Variants in GCNT2 observed in about 807,000 individuals in gnomAD.
GCNT2 encodes glucosaminyl (N-acetyl) transferase 2 (I blood group), also known as N-acetyllactosaminide beta-1,6-N-acetylglucosaminyl-transferase.
A neutral mutation model predicts 34.2 loss-of-function variants in GCNT2; 34 were observed. The ratio of observed to expected loss-of-function variants is 1.00; its 90% CI spans 0.76 to 1.32. The LOEUF (loss-of-function observed/expected upper bound fraction) is 1.32. Ranked by LOEUF, GCNT2 falls within the 40% of genes most tolerant of loss-of-function variation. GCNT2 has a pLI of 0.00. For synonymous variants in GCNT2, 212 were observed against 188.0 expected (o/e 1.13, Z -1.04); for missense variants, 584 against 489.4 (o/e 1.19, Z -1.82).
chr6:10,580,074 A>G (rs1764004274), intron 3 of GCNT2, among the ~76,000 whole-genome samples: 1 of 152,186 alleles, frequency 6.6e-6, no homozygotes, highest in African/African-American at 2.4e-5. Context: ...GCTAAGCCTC[A>G]GAGGGATTTA....
intron 4 of GCNT2, among the ~76,000 whole-genome samples, chr6:10,625,861 G>A (rs115777174): frequency 0.011 from 1,675 of 152,198 alleles, 31 homozygotes; most frequent in African/African-American, 0.037. Context: ...CATAGTAAGA[G>A]GTTAACAATA....
chr6:10,593,333 T>C (rs1484007441), intron 3 of GCNT2, among the ~76,000 whole-genome samples: 8 of 152,108 alleles, frequency 5.3e-5, no homozygotes, highest in Non-Finnish European at 1.0e-4. Flanking sequence ...AAGCAGGAGT[T>C]GTTTTTGTCT....
At chr6:10,537,888 C>T (rs1174140041) in intron 3 of GCNT2, among the ~76,000 whole-genome samples, 1 of 151,956 alleles carries the variant, frequency 6.6e-6, no homozygotes, top group Admixed American at 6.6e-5. Flanking sequence ...AAAGTGGTGT[C>T]TATGTCATGT....
intron 3 of GCNT2, among the ~76,000 whole-genome samples, chr6:10,610,994 A>T (rs1765524873): frequency 6.6e-6 from 1 of 152,204 alleles, no homozygotes; most frequent in African/African-American, 2.4e-5. Flanking sequence ...CAGAGATGTC[A>T]TATTAAGAAT....
intron 1 of GCNT2, among the ~76,000 whole-genome samples, chr6:10,523,693 C>CCGGG (rs1761035800): frequency 6.6e-6 from 1 of 151,756 alleles, no homozygotes; most frequent in Admixed American, 6.6e-5. Context: ...AAAACCAAGG[C>CCGGG]CGGGCGCTGT....
At chr6:10,601,293 T>C (rs1236170576) in intron 3 of GCNT2, among the ~76,000 whole-genome samples, 1 of 152,224 alleles carries the variant, frequency 6.6e-6, no homozygotes, top group East Asian at 1.9e-4. Context: ...ATTAAACTTG[T>C]ACTTTTATTA....
At chr6:10,625,795 A>T (rs1478662123) in intron 4 of GCNT2, among the ~76,000 whole-genome samples, 1 of 152,182 alleles carries the variant, frequency 6.6e-6, no homozygotes, top group East Asian at 1.9e-4. Context: ...CTCTAAATAT[A>T]CTTTGTTTTT....
In GCNT2 at chr6:10,626,687, C is replaced by A; in HGVS notation, c.*80C>A. 9.4e-7 allele frequency: 1 copy of A among 1,068,464 alleles called. No individual in the cohort carries two copies. Among genetic ancestry groups the A allele is most frequent in the Admixed American group, 1.8e-5 (1 of 55,964 alleles). 66.2% of individuals were successfully genotyped at this position (1,068,464 alleles called of 1,614,324 possible). On this transcript the variant is annotated 3_prime_UTR_variant, in exon 5 of 5. Transcript: ENST00000495262. Reference sequence around the variant, plus strand: ...TGTTTTTGTGAGAGACTTTTGCCTTCGTAATGTTAACCGTTTCAGGACCAC... The same window carrying A: ...TGTTTTTGTGAGAGACTTTTGCCTTAGTAATGTTAACCGTTTCAGGACCAC...
At chr6:10,571,651 C>T (rs1246654608) in intron 3 of GCNT2, among the ~76,000 whole-genome samples, 2 of 152,186 alleles carry the variant, frequency 1.3e-5, no homozygotes, top group Non-Finnish European at 2.9e-5. Context: ...CCGCACCAAG[C>T]CCTATAGTAG....
chr6:10,621,356 C>A lies in GCNT2; in HGVS notation c.931C>A (p.Pro311Thr). 6.2e-7 allele frequency: 1 copy of A among 1,606,450 alleles called. No homozygotes were observed. Among genetic ancestry groups the A allele is most frequent in the Non-Finnish European group, 8.5e-7 (1 of 1,173,290 alleles). Residue 311 changes from proline to threonine, a missense_variant, in exon 4 of 5, where the codon CCT becomes ACT. By Grantham distance (38) the Pro-to-Thr change is conservative. Transcript: ENST00000495262. ...CTTCTTTATCAACATTGCAGGTGTT[C>A]CTGGCTCTATGCCAAATGCATCCTG... ...WVTLNRIPGVPGSMPNASWTG... is the reference protein window; with the variant it reads ...WVTLNRIPGVTGSMPNASWTG...
At chr6:10,531,289 A>C (rs1761475818) in intron 3 of GCNT2, among the ~76,000 whole-genome samples, 1 of 152,236 alleles carries the variant, frequency 6.6e-6, no homozygotes. Context: ...AGTTGTTTAT[A>C]GTGAACCAAT....
In GCNT2 at chr6:10,628,794, G is replaced by GT. The variant is rs1766372854; in HGVS notation, c.*2188dup. 1 of 152,342 alleles carries GT rather than the reference G, an allele frequency of 6.6e-6. No homozygotes were observed. The highest frequency in any genetic ancestry group is 2.4e-5 in the African/African-American group (1 of 41,472). The allele number at this position is 152,342 out of a possible 1,614,324, so 9.4% of individuals were successfully genotyped here. A position where few individuals can be genotyped will look rare whatever the true frequency, so the allele number is the denominator to read the frequency against. On this transcript the variant is annotated 3_prime_UTR_variant, in exon 5 of 5. Coordinates refer to ENST00000495262, the MANE Select transcript of GCNT2 (RefSeq NM_145649.5). ...CCAACACTTTGGGAGGCCAAGGCAGGTAGATCACTTGATGCCAGGAGTTCC... is the reference window on the plus strand; with the variant it reads ...CCAACACTTTGGGAGGCCAAGGCAGGTTAGATCACTTGATGCCAGGAGTTCC...
At position 10,528,869 on chromosome 6, in the gene GCNT2, C is replaced by A. The variant is rs747151417; in HGVS notation, c.-43C>A. 31 of 1,405,280 alleles carry A rather than the reference C, an allele frequency of 2.2e-5. No individual in the cohort carries two copies. Among genetic ancestry groups the A allele is most frequent in the Non-Finnish European group, 4.0e-6 (4 of 990,742 alleles). 87.1% of individuals were successfully genotyped at this position (1,405,280 alleles called of 1,614,324 possible). On this transcript the variant is annotated 5_prime_UTR_variant, in exon 3 of 5. Coordinates refer to ENST00000495262, the MANE Select transcript of GCNT2 (RefSeq NM_145649.5). Reference sequence around the variant, plus strand: ...AAGTTAAATATATCTACACTCTGATCCTATCTCAAGAGAGAGATATTTTAC... The same window carrying A: ...AAGTTAAATATATCTACACTCTGATACTATCTCAAGAGAGAGATATTTTAC...
At chr6:10,625,526 A>G (rs1766220633) in intron 4 of GCNT2, among the ~76,000 whole-genome samples, 1 of 152,194 alleles carries the variant, frequency 6.6e-6, no homozygotes, top group African/African-American at 2.4e-5. Flanking sequence ...GTTAAAAAAA[A>G]AAAAAATTTC....
intron 3 of GCNT2, among the ~76,000 whole-genome samples, chr6:10,591,205 C>G (rs775916313): frequency 6.6e-6 from 1 of 152,206 alleles, no homozygotes; most frequent in Non-Finnish European, 1.5e-5. Context: ...ACTACTCCTA[C>G]GCTGCATGCA....
At chr6:10,533,456 TAAAAGAAGTA>T (rs1397381560) in intron 3 of GCNT2, among the ~76,000 whole-genome samples, 1 of 151,592 alleles carries the variant, frequency 6.6e-6, no homozygotes, top group Non-Finnish European at 1.5e-5. Context: ...GGAGCCACAT[TAAAAGAAGTA>T]AAAAGAAGCA....
At chr6:10,607,241 C>G (rs151164952) in intron 3 of GCNT2, among the ~76,000 whole-genome samples, 1 of 152,236 alleles carries the variant, frequency 6.6e-6, no homozygotes, top group East Asian at 1.9e-4. Flanking sequence ...CCTCACAGTT[C>G]CACAGGCTGT....
At chr6:10,564,431 C>G (rs1031757535) in intron 3 of GCNT2, among the ~76,000 whole-genome samples, 1 of 152,192 alleles carries the variant, frequency 6.6e-6, no homozygotes, top group Non-Finnish European at 1.5e-5. Context: ...TACCCTCATC[C>G]CTGCTGATCT....
intron 3 of GCNT2, among the ~76,000 whole-genome samples, chr6:10,603,912 TTTG>T (rs1765196524): frequency 7.1e-6 from 1 of 141,646 alleles, no homozygotes; most frequent in Non-Finnish European, 1.6e-5. Flanking sequence ...GTTTGTTTGT[TTTG>T]AGATGGAGTC....
Sources: gnomAD v4.1 joint callset for allele counts (sites outside exome capture counted in the v4.1 genomes callset) on GRCh38, gnomAD v4.1.1 for gene constraint, MANE v1.5 for transcripts, NCBI Gene and HGNC (gene_info 2026-07-23, HGNC 2026-07-21) for gene names.